CASK: variants seen among roughly 807,000 people sequenced by gnomAD.
The protein encoded by CASK is peripheral plasma membrane protein CASK.
CASK carries 4 observed loss-of-function variants against 82.9 expected under a neutral mutation model. The observed-to-expected ratio is 0.05, with a 90% CI of 0.02 to 0.11. The LOEUF (loss-of-function observed/expected upper bound fraction) is 0.11, where lower values mean the gene tolerates loss of function less well. Among genes scored for constraint, CASK ranks in the 10% least tolerant of loss-of-function variants. CASK has a pLI of 1.00. For missense variants in CASK, 358 were observed against 720.9 expected (o/e 0.50, Z 5.76); for synonymous variants, 259 against 253.5 (o/e 1.02, Z -0.20).
intron 3 of CASK, among the ~76,000 whole-genome samples, chrX:41,759,658 G>A (rs941019535): frequency 6.3e-5 from 7 of 111,671 alleles, no homozygotes; most frequent in African/African-American, 2.0e-4. Context: ...AAGCCTGGCA[G>A]ATCTTGGTCA....
intron 5 of CASK, among the ~76,000 whole-genome samples, chrX:41,714,826 T>TGA (rs1357828737): frequency 8.9e-6 from 1 of 112,051 alleles, no homozygotes; most frequent in Non-Finnish European, 1.9e-5. Flanking sequence ...CAAATGGGGA[T>TGA]GGCAGTGCCC....
chrX:41,904,847 GT>G (rs1306510260), intron 1 of CASK, among the ~76,000 whole-genome samples: 11 of 111,131 alleles, frequency 9.9e-5, no homozygotes, highest in African/African-American at 3.3e-4. Context: ...GTGGTATTTG[GT>G]TTTCTCTTCC....
chrX:41,745,794 G>T (rs972806535), intron 3 of CASK, among the ~76,000 whole-genome samples, 193 bp from the exon 4 acceptor site: 1 of 112,032 alleles, frequency 8.9e-6, no homozygotes, highest in Non-Finnish European at 1.9e-5. Context: ...TTGAAAATCT[G>T]CAGGGAAAGA....
At chrX:41,750,187 T>C (rs1025001253) in intron 3 of CASK, among the ~76,000 whole-genome samples, 10 of 112,249 alleles carry the variant, frequency 8.9e-5, no homozygotes, top group Non-Finnish European at 3.8e-5. Context: ...TCTACTAATT[T>C]TAAATTTCAT....
intron 1 of CASK, among the ~76,000 whole-genome samples, chrX:41,865,094 G>C (rs1394832921): frequency 8.9e-6 from 1 of 111,904 alleles, no homozygotes; most frequent in African/African-American, 3.3e-5. Context: ...TTCAAGTTAG[G>C]TAAGAAACCA....
At position 41,649,990 on chromosome X, in the gene CASK, C is replaced by A. The variant is rs1479595502; in HGVS notation, c.831+10449G>T. Reference sequence around the variant, plus strand: ...TTAGCTCTTCTTGTTGAATTGATCCCTTTACCATTATGTAATGGCCTTCTT... The same window carrying A: ...TTAGCTCTTCTTGTTGAATTGATCCATTTACCATTATGTAATGGCCTTCTT... On this transcript the variant is annotated intron_variant, in intron 8 of 26. Coordinates refer to ENST00000378163, the MANE Select transcript of CASK (RefSeq NM_001367721.1). 3.6e-5 allele frequency among the ~76,000 whole-genome samples: 4 copies of A among 111,336 alleles called. No homozygotes were observed. In the Admixed American group the frequency reaches 3.8e-4, roughly 11 times the overall value.
chrX:41,596,030 A>C (rs777917816), intron 12 of CASK, among the ~76,000 whole-genome samples: 1 of 109,631 alleles, frequency 9.1e-6, no homozygotes, highest in Non-Finnish European at 1.9e-5. Context: ...CCCCATCTCT[A>C]CTAAAAATAC....
At chrX:41,771,675 A>G (rs185817833) in intron 3 of CASK, among the ~76,000 whole-genome samples, 1 of 111,639 alleles carries the variant, frequency 9.0e-6, no homozygotes, top group Non-Finnish European at 1.9e-5. Context: ...CACTAAGATA[A>G]CAGAAAAGAG....
chrX:41,882,885 T>C (rs2071977515), intron 1 of CASK, among the ~76,000 whole-genome samples: 1 of 112,184 alleles, frequency 8.9e-6, no homozygotes, highest in African/African-American at 3.2e-5. Flanking sequence ...AATGTTCATG[T>C]CCTTAGAAAA....
intron 3 of CASK, among the ~76,000 whole-genome samples, chrX:41,750,130 T>C (rs2068762548): frequency 8.9e-6 from 1 of 112,081 alleles, no homozygotes; most frequent in South Asian, 3.7e-4. Context: ...TTATTAAAGC[T>C]ATTTGATTAT....
chrX:41,524,064 ACTT>A, intron 25 of CASK, 30 bp from the exon 26 acceptor site: 3 of 987,781 alleles, frequency 3.0e-6, no homozygotes, highest in Non-Finnish European at 4.2e-6. Context: ...AAAAATCCCG[ACTT>A]AAAAGAAGAA....
intron 5 of CASK, chrX:41,727,029 GAAC>G: frequency 2.8e-6 from 3 of 1,088,292 alleles, no homozygotes; most frequent in Non-Finnish European, 3.7e-6. Flanking sequence ...TGACATAAAT[GAAC>G]AACAATACAA....
rs749358228 is a variant in CASK, at chrX:41,518,556, GA to G, written c.*1863del. 1,281 of 103,583 alleles carry G rather than the reference GA, an allele frequency of 0.012. 24 individuals are homozygous for G. Among genetic ancestry groups the G allele is most frequent in the African/African-American group, 0.04 (1,161 of 28,704 alleles). The allele number at this position is 103,583 out of a possible 1,213,427, so 8.5% of individuals were successfully genotyped here. A position where few individuals can be genotyped will look rare whatever the true frequency, so the allele number is the denominator to read the frequency against. Reference sequence around the variant, plus strand: ...TGGTCACTGGCAAAGAACAACATCAGAAAAAAAAAAATCGCCACCATTTAAT... The same window carrying G: ...TGGTCACTGGCAAAGAACAACATCAGAAAAAAAAAATCGCCACCATTTAAT... On this transcript the variant is annotated 3_prime_UTR_variant, in exon 27 of 27. Coordinates refer to ENST00000378163, the MANE Select transcript of CASK (RefSeq NM_001367721.1).
At chrX:41,583,367 G>T (rs1177116013) in intron 14 of CASK, among the ~76,000 whole-genome samples, 1 of 111,614 alleles carries the variant, frequency 9.0e-6, no homozygotes, top group African/African-American at 3.3e-5. Flanking sequence ...GGTCTCATAC[G>T]GCCCTATATC....
intron 1 of CASK, among the ~76,000 whole-genome samples, chrX:41,918,684 C>T (rs1428231104): frequency 7.1e-5 from 8 of 112,589 alleles, no homozygotes; most frequent in Admixed American, 5.6e-4. Context: ...AACACAAGTG[C>T]ATAGAAGATA....
At chrX:41,914,829 G>T (rs1184575276) in intron 1 of CASK, among the ~76,000 whole-genome samples, 3 of 111,596 alleles carry the variant, frequency 2.7e-5, no homozygotes, top group Non-Finnish European at 5.7e-5. Context: ...GAGTGAAAAA[G>T]AAATCTACTT....
chrX:41,633,766 C>CT lies in CASK; in HGVS notation c.915+2811dup, dbSNP rs1247479508. On this transcript the variant is annotated intron_variant, in intron 9 of 26. Transcript: ENST00000378163. ...GTAATTTTCTTTCTTTCTTTTTTCT[C>CT]TTTTTTTTTTTGAGACAAGGTCTCA... Among the ~76,000 whole-genome samples, 699 of 103,067 alleles carry CT rather than the reference C, an allele frequency of 6.8e-3. 11 individuals are homozygous for CT. The highest frequency in any genetic ancestry group is 0.022 in the African/African-American group (639 of 28,526). The allele number at this position is 103,067 out of a possible 115,157, so 89.5% of individuals were successfully genotyped here.
intron 3 of CASK, among the ~76,000 whole-genome samples, chrX:41,775,607 T>G (rs2069346493): frequency 9.4e-6 from 1 of 105,934 alleles, no homozygotes; most frequent in Non-Finnish European, 2.0e-5. Context: ...GCGGCACTAT[T>G]CCCAATAGCA....
At chrX:41,636,283 G>C (rs1376871536) in intron 9 of CASK, among the ~76,000 whole-genome samples, 1 of 111,710 alleles carries the variant, frequency 9.0e-6, no homozygotes, top group Non-Finnish European at 1.9e-5. Flanking sequence ...ACATGGTCTA[G>C]ATTCATATTC....
Sources: gnomAD v4.1 joint callset for allele counts (sites outside exome capture counted in the v4.1 genomes callset) on GRCh38, gnomAD v4.1.1 for gene constraint, MANE v1.5 for transcripts, NCBI Gene and HGNC (gene_info 2026-07-23, HGNC 2026-07-21) for gene names.